The following HAS3 variants were observed in gnomAD, a reference collection of about 807,000 sequenced individuals.
HAS3 encodes the protein HA synthase 3.
HAS3 carries 27 observed loss-of-function variants against 50.3 expected under a neutral mutation model. That is an observed-to-expected ratio of 0.54 (90% CI 0.40 to 0.74). HAS3 has a LOEUF of 0.74. HAS3 is among the 30% of genes least tolerant of loss of function. HAS3 has a pLI of 0.00. For synonymous variants in HAS3, 339 were observed against 310.9 expected (o/e 1.09, Z -0.95); for missense variants, 517 against 742.8 (o/e 0.70, Z 3.53).
upstream of HAS3, among the ~76,000 whole-genome samples, chr16:69,103,070 T>G (rs1258425997): frequency 6.6e-5 from 10 of 151,346 alleles, no homozygotes. Context: ...TTACCAATGC[T>G]TAAAAAAATT....
chr16:69,118,287 C>T, downstream of HAS3: 5 of 1,015,398 alleles, frequency 4.9e-6, 1 homozygote, highest in Admixed American at 7.0e-5. Flanking sequence ...CCCAGTCAGT[C>T]AAGCAGAAAC....
rs754115111 is a variant in HAS3 at position 69,113,378 on chromosome 16, G to A, written c.637-63G>A. The A allele has an allele frequency of 9.4e-5, 97 of 1,035,630 alleles. No individual in the cohort carries two copies. The Middle Eastern group carries it at 1.2e-3, about 13-fold the overall frequency. 64.2% of individuals were successfully genotyped at this position (1,035,630 alleles called of 1,614,324 possible). ...TCAGGCAGTGAGCAGCCTGGCAGTG[G>A]GGTGGGGGACAGGGTGTGCAGGTCT... On this transcript the variant is annotated intron_variant, in intron 2 of 3. Transcript: ENST00000569188.
chr16:69,089,923 C>T, the HAS3 span, among the ~76,000 whole-genome samples: 2 of 152,170 alleles, frequency 1.3e-5, no homozygotes, highest in Non-Finnish European at 2.9e-5. Flanking sequence ...AGTCATTTTC[C>T]ATCCATAAGC....
chr16:69,109,976 G>A lies in HAS3; in HGVS notation c.581G>A (p.Arg194His), dbSNP rs896758135. The A allele has an allele frequency of 6.2e-7, 1 of 1,613,944 alleles. No homozygotes were observed. Among genetic ancestry groups the A allele is most frequent in the Non-Finnish European group, 8.5e-7 (1 of 1,179,926 alleles). The change falls in exon 2 of 4, where the codon CGC (arginine) becomes CAC (histidine). Residue 194 changes from arginine (R) to histidine (H), a missense_variant. Transcript: ENST00000569188. This position sits in a 1 kb window ranked among gnomAD's most constrained non-coding sequence, Gnocchi z 5.3. Reference protein sequence around the residue: ...SCIMQKWGGKREVMYTAFKAL... With the variant: ...SCIMQKWGGKHEVMYTAFKAL... ...ATCATGCAGAAGTGGGGAGGCAAGC[G>A]CGAGGTCATGTACACGGCCTTCAAG...
At position 69,116,809 on chromosome 16, in the gene HAS3, A is replaced by G; in HGVS notation, c.*1543A>G. 1.0e-6 allele frequency: 1 copy of G among 985,426 alleles called. No individual in the cohort carries two copies. Among genetic ancestry groups the G allele is most frequent in the Non-Finnish European group, 1.2e-6 (1 of 829,940 alleles). The allele number at this position is 985,426 out of a possible 1,614,324, so 61.0% of individuals were successfully genotyped here. On this transcript the variant is annotated 3_prime_UTR_variant, in exon 4 of 4. Transcript: ENST00000569188. The stretch of plus-strand genomic sequence containing the variant: ...GGGATCCTGACTAAGCCTTTGACTT[A>G]AGGGTTGCTTGCTTGCCCTCCAAAT...
At chr16:69,110,116 G>A (rs539900622) in intron 2 of HAS3, 85 bp downstream of exon 2, 8 of 1,365,634 alleles carry the variant, frequency 5.9e-6, no homozygotes, top group Non-Finnish European at 8.0e-6. Flanking sequence ...CTGAGGTCTG[G>A]TCTAGGTCCC....
chr16:69,118,300 C>T, downstream of HAS3: 1 of 1,126,126 alleles, frequency 8.9e-7, no homozygotes, highest in Non-Finnish European at 1.4e-6. Flanking sequence ...GCAGAAACTG[C>T]ATTCGGTGGG....
the HAS3 span, among the ~76,000 whole-genome samples, chr16:69,094,272 G>A: frequency 1.3e-5 from 2 of 152,154 alleles, no homozygotes; most frequent in Admixed American, 6.5e-5. Context: ...CACACAGGTA[G>A]CCACCTGGCG....
chr16:69,112,431 G>A (rs1394862920), intron 2 of HAS3, among the ~76,000 whole-genome samples: 1 of 152,184 alleles, frequency 6.6e-6, no homozygotes, highest in Non-Finnish European at 1.5e-5. Context: ...CTTATCTGTG[G>A]CCACCCTGTC....
At position 69,109,704 on chromosome 16, in the gene HAS3, G is replaced by C; in HGVS notation, c.309G>C (p.Lys103Asn). The change falls in exon 2 of 4, where the codon AAG becomes AAC. Residue 103 changes from lysine (K) to asparagine (N), a missense_variant. Coordinates refer to ENST00000569188, the MANE Select transcript of HAS3 (RefSeq NM_001199280.2). The surrounding 1 kb of genome is among the most constrained non-coding windows in gnomAD (Gnocchi z 5.3). ...AGGAGGACCCTGACTACTTGCGCAA[G>C]TGCCTGCGCTCGGCCCAGCGCATCT... ...AYQEDPDYLR[K>N]CLRSAQRISF... The C allele has an allele frequency of 6.2e-7, 1 of 1,610,688 alleles. No homozygotes were observed. Among genetic ancestry groups the C allele is most frequent in the African/African-American group, 1.3e-5 (1 of 75,064 alleles).
chr16:69,092,595 C>T, the HAS3 span, among the ~76,000 whole-genome samples: 2 of 110,014 alleles, frequency 1.8e-5, no homozygotes, highest in South Asian at 3.0e-4. Flanking sequence ...AGTGCAACTC[C>T]GTCTCAAAAA....
At chr16:69,097,591 GC>G in the HAS3 span, among the ~76,000 whole-genome samples, 2 of 152,188 alleles carry the variant, frequency 1.3e-5, no homozygotes, top group Non-Finnish European at 2.9e-5. Flanking sequence ...GCAGACACTT[GC>G]GTGGGAGTAG....
upstream of HAS3, among the ~76,000 whole-genome samples, chr16:69,104,991 G>GTTT (rs1567576944): frequency 1.2e-4 from 11 of 89,836 alleles, no homozygotes; most frequent in Non-Finnish European, 2.3e-4. Context: ...TCTGTTTTTT[G>GTTT]GTTTTTTTTT....
In HAS3 at chr16:69,107,570, G is replaced by A. The variant is rs1282735766; in HGVS notation, c.-1+1783G>A. 1.0e-6 allele frequency: 1 copy of A among 985,370 alleles called. No homozygotes were observed. The highest frequency in any genetic ancestry group is 1.7e-5 in the African/African-American group (1 of 57,230). The allele number at this position is 985,370 out of a possible 1,614,324, so 61.0% of individuals were successfully genotyped here. Reference sequence around the variant, plus strand: ...CGTTCGCGGCTGCTTTGACCTGGTGGGCGCCGCCTCCGGCACTGCACCGAG... The same window carrying A: ...CGTTCGCGGCTGCTTTGACCTGGTGAGCGCCGCCTCCGGCACTGCACCGAG... On this transcript the variant is annotated intron_variant, in intron 1 of 3. Coordinates refer to ENST00000569188, the MANE Select transcript of HAS3 (RefSeq NM_001199280.2). This position sits in a 1 kb window ranked among gnomAD's most constrained non-coding sequence, Gnocchi z 5.5.
Position 69,116,304 on chromosome 16 carries a change from T to C in HAS3, c.*1038T>C, listed in dbSNP as rs112084296. The stretch of plus-strand genomic sequence containing the variant: ...AATTGGGGCGGAGCCCCGGCTCTTA[T>C]AGAAGCTTCAGCAGGAGGCAAGCGT... On this transcript the variant is annotated 3_prime_UTR_variant, in exon 4 of 4. Coordinates refer to ENST00000569188, the MANE Select transcript of HAS3 (RefSeq NM_001199280.2). 6.6e-5 allele frequency: 65 copies of C among 985,828 alleles called. No homozygotes were observed. In the African/African-American group the frequency reaches 7.0e-4, roughly 11 times the overall value. 61.1% of individuals were successfully genotyped at this position (985,828 alleles called of 1,614,324 possible). A position where few individuals can be genotyped will look rare whatever the true frequency, so the allele number is the denominator to read the frequency against.
chr16:69,095,760 G>T, the HAS3 span, among the ~76,000 whole-genome samples: 1 of 152,104 alleles, frequency 6.6e-6, no homozygotes, highest in East Asian at 1.9e-4. Flanking sequence ...TTTTGGCAGG[G>T]GGTCCCCTCC....
At chr16:69,088,883 C>G in the HAS3 span, among the ~76,000 whole-genome samples, 33 of 152,134 alleles carry the variant, frequency 2.2e-4, no homozygotes, top group African/African-American at 7.7e-4. Context: ...GACTGCACCT[C>G]TGCACTCCAG....
chr16:69,089,526 C>G, the HAS3 span, among the ~76,000 whole-genome samples: 1 of 152,208 alleles, frequency 6.6e-6, no homozygotes, highest in Non-Finnish European at 1.5e-5. Context: ...CAGTCACATG[C>G]AGCAGCCACA....
chr16:69,089,269 C>T, the HAS3 span, among the ~76,000 whole-genome samples: 1 of 152,172 alleles, frequency 6.6e-6, no homozygotes. Context: ...ATTGATAAGT[C>T]GAGAGATGAG....
Sources: allele counts gnomAD v4.1 joint callset (sites outside exome capture counted in the v4.1 genomes callset), GRCh38; gene constraint gnomAD v4.1.1; non-coding constraint Gnocchi (gnomAD v3.1); transcripts MANE v1.5; gene names NCBI Gene and HGNC (gene_info 2026-07-23, HGNC 2026-07-21).